The following PDE4D variants were observed in gnomAD, a reference collection of about 807,000 sequenced individuals.
PDE4D encodes the protein 3',5'-cyclic-AMP phosphodiesterase 4D.
In PDE4D, 24 loss-of-function variants were observed where a neutral mutation model predicts 87.4. That is an observed-to-expected ratio of 0.27 (90% CI 0.20 to 0.39). The LOEUF is 0.39. Ranked by LOEUF, PDE4D falls within the 10% of genes least tolerant of loss-of-function variation. The pLI is 1.00. For synonymous variants in PDE4D, 384 were observed against 383.2 expected (o/e 1.00, Z -0.02); for missense variants, 714 against 1,041.0 (o/e 0.69, Z 4.32).
chr5:59,749,675 C>T (rs1221031264), intron 1 of PDE4D, among the ~76,000 whole-genome samples: 1 of 152,076 alleles, frequency 6.6e-6, no homozygotes, highest in East Asian at 1.9e-4. Context: ...TTAAAGTGCC[C>T]CAACTGTCTC....
At chr5:59,830,288 A>T (rs1740985248) in intron 1 of PDE4D, among the ~76,000 whole-genome samples, 1 of 151,630 alleles carries the variant, frequency 6.6e-6, no homozygotes, top group South Asian at 2.1e-4. Context: ...ACCATTAGGG[A>T]TATAAGGATT....
chr5:60,035,222 C>T (rs1026821744), intron 2 of PDE4D, among the ~76,000 whole-genome samples: 3 of 149,180 alleles, frequency 2.0e-5, no homozygotes, highest in East Asian at 4.0e-4. Context: ...CGCCACTGCA[C>T]ACCAGCCTGG....
chr5:60,001,966 A>G (rs2152839217), intron 2 of PDE4D, among the ~76,000 whole-genome samples: 1 of 151,964 alleles, frequency 6.6e-6, no homozygotes, highest in East Asian at 1.9e-4. Context: ...ACAAATCACA[A>G]GACAGCAACA....
At chr5:60,159,207 T>C (rs1347134683) in intron 2 of PDE4D, among the ~76,000 whole-genome samples, 2 of 152,196 alleles carry the variant, frequency 1.3e-5, no homozygotes, top group Admixed American at 6.5e-5. Flanking sequence ...CTGGAAGGTC[T>C]TTAGGGGCAA....
chr5:59,417,696 CA>C (rs754326209), intron 1 of PDE4D, among the ~76,000 whole-genome samples: 3 of 152,042 alleles, frequency 2.0e-5, no homozygotes, highest in Non-Finnish European at 4.4e-5. Context: ...TCTACAATTC[CA>C]AAATTATGTA....
rs1410377580 is a variant in PDE4D, at chr5:59,397,208, C to T, written c.456-181240G>A. Among the ~76,000 whole-genome samples, 8 of 117,418 alleles carry T rather than the reference C, an allele frequency of 6.8e-5. 1 individual carries two copies. Among genetic ancestry groups the T allele is most frequent in the Non-Finnish European group, 1.3e-4 (7 of 55,714 alleles). 77.0% of individuals were successfully genotyped at this position (117,418 alleles called of 152,430 possible). ...TCAACAAGGATACCCAGGAATTGAA[C>T]TCAGCTCTGCACCAAGCAGACCTAA... On this transcript the variant is annotated intron_variant, in intron 1 of 14. Transcript: ENST00000340635.
intron 1 of PDE4D, among the ~76,000 whole-genome samples, chr5:59,388,812 G>A (rs935659491): frequency 1.3e-4 from 20 of 152,118 alleles, no homozygotes; most frequent in African/African-American, 4.6e-4. Context: ...AACATTAATA[G>A]CCTAGAAACT....
At chr5:59,134,087 C>A (rs1375002212) in intron 5 of PDE4D, among the ~76,000 whole-genome samples, 1 of 150,406 alleles carries the variant, frequency 6.6e-6, no homozygotes, top group Non-Finnish European at 1.5e-5. Context: ...GTTCCTTTCA[C>A]CCCCTCAACT....
At chr5:59,522,488 C>A (rs961119753) in intron 1 of PDE4D, among the ~76,000 whole-genome samples, 3 of 152,166 alleles carry the variant, frequency 2.0e-5, no homozygotes, top group African/African-American at 7.2e-5. Flanking sequence ...TGAGTTACTT[C>A]TGGGTGTGCC....
At chr5:59,930,790 T>G (rs1419371472) in intron 3 of PDE4D, among the ~76,000 whole-genome samples, 1 of 152,142 alleles carries the variant, frequency 6.6e-6, no homozygotes, top group Non-Finnish European at 1.5e-5. Flanking sequence ...TTATTTAGAG[T>G]CATTGAAAGA....
At chr5:60,287,162 C>A (rs1421524153) in intron 1 of PDE4D, among the ~76,000 whole-genome samples, 1 of 152,126 alleles carries the variant, frequency 6.6e-6, no homozygotes, top group African/African-American at 2.4e-5. Context: ...ACAGCACAGA[C>A]GGATACAAAA....
intron 1 of PDE4D, among the ~76,000 whole-genome samples, chr5:59,741,755 C>T (rs1374105127): frequency 1.3e-5 from 2 of 152,094 alleles, no homozygotes; most frequent in Non-Finnish European, 2.9e-5. Flanking sequence ...TAAAACTAAA[C>T]ATTCTCTTAG....
At chr5:59,292,568 A>T (rs918574645) in intron 1 of PDE4D, among the ~76,000 whole-genome samples, 4 of 152,196 alleles carry the variant, frequency 2.6e-5, no homozygotes, top group Non-Finnish European at 5.9e-5. Flanking sequence ...CATCCAGCAT[A>T]CTTGGAGATA....
rs576529101 is a variant in PDE4D at position 59,547,057 on chromosome 5, C to T, written c.456-331089G>A. 4.6e-5 allele frequency among the ~76,000 whole-genome samples: 7 copies of T among 152,202 alleles called. No homozygotes were observed. The East Asian group carries it at 1.4e-3, about 29-fold the overall frequency. ...ACACCTTGATTTTCTGACTGTGTTGCCTATGAGTTGGTTCTATGTTCATCC... is the reference window on the plus strand; with the variant it reads ...ACACCTTGATTTTCTGACTGTGTTGTCTATGAGTTGGTTCTATGTTCATCC... On this transcript the variant is annotated intron_variant, in intron 1 of 14. Transcript: ENST00000340635.
At chr5:59,767,358 T>C (rs1762930347) in intron 1 of PDE4D, among the ~76,000 whole-genome samples, 1 of 152,174 alleles carries the variant, frequency 6.6e-6, no homozygotes, top group African/African-American at 2.4e-5. Flanking sequence ...GTGTGTAACA[T>C]AGACCCTAGT....
chr5:59,209,119 T>C (rs1394720569), intron 2 of PDE4D, among the ~76,000 whole-genome samples: 1 of 152,196 alleles, frequency 6.6e-6, no homozygotes, highest in Non-Finnish European at 1.5e-5. Flanking sequence ...GCTTGGAAAC[T>C]GTTATTTTTT....
chr5:60,345,032 T>C (rs1433394580), intron 1 of PDE4D, among the ~76,000 whole-genome samples: 2 of 152,086 alleles, frequency 1.3e-5, no homozygotes, highest in African/African-American at 4.8e-5. Flanking sequence ...TCTTTTTTTA[T>C]GTAGTTGAGA....
chr5:59,332,568 A>C (rs953643343), intron 1 of PDE4D, among the ~76,000 whole-genome samples: 2 of 152,238 alleles, frequency 1.3e-5, no homozygotes, highest in African/African-American at 4.8e-5. Flanking sequence ...TAACAAATTG[A>C]CATTAGGCTT....
intron 6 of PDE4D, among the ~76,000 whole-genome samples, chr5:59,023,345 C>T (rs369017906): frequency 3.3e-5 from 5 of 151,872 alleles, no homozygotes; most frequent in East Asian, 3.9e-4. Flanking sequence ...AGGTTTTCAT[C>T]TTTAAAAATA....
Sources: gnomAD v4.1 joint callset for allele counts (sites outside exome capture counted in the v4.1 genomes callset) on GRCh38, gnomAD v4.1.1 for gene constraint, MANE v1.5 for transcripts, NCBI Gene and HGNC (gene_info 2026-07-23, HGNC 2026-07-21) for gene names.